Variants in DPYD observed in about 807,000 individuals in gnomAD.
DPYD encodes the protein dihydropyrimidine dehydrogenase [NADP(+)].
DPYD carries 109 observed loss-of-function variants against 116.2 expected under a neutral mutation model. That is an observed-to-expected ratio of 0.94 (90% CI 0.80 to 1.10). The LOEUF is 1.10. Among genes scored for constraint, DPYD ranks in the 50% least tolerant of loss-of-function variants. The pLI is 0.00. For missense variants in DPYD, 1,302 were observed against 1,254.5 expected, an observed-to-expected ratio of 1.04 and a Z score of -0.57; for synonymous variants, 440 against 432.0, an observed-to-expected ratio of 1.02 and a Z score of -0.23.
intron 11 of DPYD, 123 bp from the exon 12 acceptor site, chr1:97,549,867 T>C (rs1272799289): frequency 1.5e-5 from 13 of 882,826 alleles, no homozygotes; most frequent in Non-Finnish European, 2.2e-5. Flanking sequence ...CAACTGTTTT[T>C]AGTAAACTAT....
intron 18 of DPYD, among the ~76,000 whole-genome samples, chr1:97,272,647 A>G (rs746042190): frequency 6.6e-6 from 1 of 152,182 alleles, no homozygotes; most frequent in African/African-American, 2.4e-5. Context: ...AGTACGTTAC[A>G]CATCTTGGCT....
At chr1:97,350,464 T>C (rs1570574179) in intron 16 of DPYD, among the ~76,000 whole-genome samples, 1 of 152,262 alleles carries the variant, frequency 6.6e-6, no homozygotes, top group East Asian at 1.9e-4. Flanking sequence ...CTCCTCCATA[T>C]ATAAGACTGA....
At chr1:97,141,944 A>C (rs1027984480) in intron 20 of DPYD, among the ~76,000 whole-genome samples, 1 of 152,140 alleles carries the variant, frequency 6.6e-6, no homozygotes, top group African/African-American at 2.4e-5. Context: ...CAAAATCAGC[A>C]TTCTGGGTAT....
chr1:97,493,087 C>T (rs1489136187), intron 13 of DPYD, among the ~76,000 whole-genome samples: 4 of 152,200 alleles, frequency 2.6e-5, no homozygotes, highest in African/African-American at 9.6e-5. Context: ...AAATCAACAA[C>T]TTTCATTTCA....
intron 1 of DPYD, among the ~76,000 whole-genome samples, chr1:97,888,429 C>T (rs1241373306): frequency 6.6e-6 from 1 of 151,508 alleles, no homozygotes; most frequent in African/African-American, 2.4e-5. Context: ...AAAGACAAAG[C>T]AGGAGAAAAT....
At chr1:97,283,547 A>G (rs1230283421) in intron 18 of DPYD, among the ~76,000 whole-genome samples, 2 of 152,128 alleles carry the variant, frequency 1.3e-5, no homozygotes, top group Non-Finnish European at 2.9e-5. Context: ...TTAATTTGAA[A>G]TAACTGCCAT....
intron 6 of DPYD, among the ~76,000 whole-genome samples, chr1:97,697,706 T>A (rs548899154): frequency 6.6e-6 from 1 of 151,860 alleles, no homozygotes; most frequent in Non-Finnish European, 1.5e-5. Context: ...GCAAATAAAT[T>A]TAAAAAAAAC....
At chr1:97,672,758 A>G (rs1416553610) in intron 8 of DPYD, among the ~76,000 whole-genome samples, 3 of 152,220 alleles carry the variant, frequency 2.0e-5, no homozygotes, top group Non-Finnish European at 4.4e-5. Context: ...TAACTTTTAT[A>G]GAGAATAATT....
At chr1:97,143,553 A>G (rs1654386549) in intron 20 of DPYD, among the ~76,000 whole-genome samples, 1 of 152,140 alleles carries the variant, frequency 6.6e-6, no homozygotes, top group Admixed American at 6.6e-5. Context: ...TACCAATTAG[A>G]TAGACCCTTC....
intron 16 of DPYD, among the ~76,000 whole-genome samples, chr1:97,314,085 T>C (rs914611223): frequency 5.3e-5 from 8 of 151,930 alleles, no homozygotes; most frequent in Non-Finnish European, 1.2e-4. Flanking sequence ...TTGAAAACAG[T>C]CTTTTGATGC....
intron 20 of DPYD, among the ~76,000 whole-genome samples, chr1:97,120,114 C>T (rs1373536548): frequency 6.6e-6 from 1 of 152,154 alleles, no homozygotes; most frequent in Non-Finnish European, 1.5e-5. Flanking sequence ...AAGACGGCTG[C>T]ATATATTTGC....
intron 18 of DPYD, among the ~76,000 whole-genome samples, chr1:97,262,044 G>A (rs1275639177): frequency 6.6e-6 from 1 of 151,566 alleles, no homozygotes; most frequent in Non-Finnish European, 1.5e-5. Context: ...CATCCTTTGG[G>A]GAGCACTCCT....
chr1:97,655,483 A>C (rs1288611691), intron 8 of DPYD, among the ~76,000 whole-genome samples: 1 of 152,220 alleles, frequency 6.6e-6, no homozygotes, highest in African/African-American at 2.4e-5. Context: ...GCTGAAATAC[A>C]TCCAGCTTCC....
At chr1:97,551,683 G>A (rs1218867183) in intron 11 of DPYD, among the ~76,000 whole-genome samples, 2 of 152,070 alleles carry the variant, frequency 1.3e-5, no homozygotes, top group Non-Finnish European at 2.9e-5. Context: ...CTTGAGCAAG[G>A]TAGGAATAAT....
chr1:97,318,143 C>A (rs1340694998), intron 16 of DPYD, among the ~76,000 whole-genome samples: 2 of 147,430 alleles, frequency 1.4e-5, no homozygotes, highest in African/African-American at 2.5e-5. Context: ...AATGTAAAGA[C>A]CATTGAGACT....
intron 8 of DPYD, among the ~76,000 whole-genome samples, chr1:97,610,441 T>C (rs899585651): frequency 2.6e-4 from 39 of 152,030 alleles, no homozygotes; most frequent in Admixed American, 2.2e-3. Flanking sequence ...TCTGGATTCA[T>C]CTTGAAAGGA....
chr1:97,661,584 AT>A (rs1184576270), intron 8 of DPYD, among the ~76,000 whole-genome samples: 19 of 152,302 alleles, frequency 1.2e-4, no homozygotes, highest in South Asian at 6.2e-4. Flanking sequence ...AATAAAAAAA[AT>A]ATATAGAAAT....
chr1:97,573,603 A>G (rs574164180), intron 11 of DPYD, among the ~76,000 whole-genome samples, 157 bp downstream of exon 11: 1 of 152,294 alleles, frequency 6.6e-6, no homozygotes, highest in Non-Finnish European at 1.5e-5. Context: ...GCATTAAATA[A>G]CATTTCTAAG....
chr1:97,326,415 G>A (rs1428973495), intron 16 of DPYD, among the ~76,000 whole-genome samples: 1 of 151,850 alleles, frequency 6.6e-6, no homozygotes, highest in Non-Finnish European at 1.5e-5. Context: ...AGAGTCATTG[G>A]CATAACTCTC....
Sources: gnomAD v4.1 joint callset for allele counts (sites outside exome capture counted in the v4.1 genomes callset) on GRCh38, gnomAD v4.1.1 for gene constraint, MANE v1.5 for transcripts, NCBI Gene and HGNC (gene_info 2026-07-23, HGNC 2026-07-21) for gene names.